Variants in UVRAG observed in about 807,000 individuals in gnomAD.
UVRAG encodes the protein UV radiation resistance associated.
A neutral mutation model predicts 78.0 loss-of-function variants in UVRAG; 19 were observed. The ratio of observed to expected loss-of-function variants is 0.24; its 90% CI spans 0.17 to 0.36. The LOEUF is 0.36. UVRAG is among the 10% of genes least tolerant of loss of function. The pLI is 1.00. For missense variants in UVRAG, 740 were observed against 853.8 expected (o/e 0.87, Z 1.66); for synonymous variants, 323 against 324.6 (o/e 1.00, Z 0.05).
chr11:76,077,011 G>GA (rs1424040328), intron 13 of UVRAG, among the ~76,000 whole-genome samples: 1 of 146,530 alleles, frequency 6.8e-6, no homozygotes, highest in East Asian at 2.0e-4. Flanking sequence ...GGCAAACCCT[G>GA]TCTCAAAAAA....
intron 12 of UVRAG, among the ~76,000 whole-genome samples, chr11:76,022,244 C>T (rs541716374): frequency 6.6e-6 from 1 of 152,210 alleles, no homozygotes; most frequent in East Asian, 1.9e-4. Context: ...ATTCTACATG[C>T]ACTTGAGAAA....
chr11:75,880,831 A>C (rs1369005513), intron 4 of UVRAG, among the ~76,000 whole-genome samples: 1 of 151,746 alleles, frequency 6.6e-6, no homozygotes, highest in Non-Finnish European at 1.5e-5. Context: ...CTGGGATTAC[A>C]GGTGTGAGCC....
intron 9 of UVRAG, among the ~76,000 whole-genome samples, chr11:76,004,757 T>G (rs1442590289): frequency 6.6e-6 from 1 of 152,050 alleles, no homozygotes; most frequent in Non-Finnish European, 1.5e-5. Flanking sequence ...CCCAAAGTGC[T>G]GGGATTACAG....
intron 6 of UVRAG, among the ~76,000 whole-genome samples, chr11:75,959,528 A>C (rs941985963): frequency 6.6e-6 from 1 of 151,904 alleles, no homozygotes; most frequent in Non-Finnish European, 1.5e-5. Flanking sequence ...TTAGGTCCTT[A>C]CTCTGGATTA....
intron 6 of UVRAG, chr11:75,935,017 G>A (rs963713440): frequency 1.8e-4 from 28 of 152,284 alleles, no homozygotes; most frequent in African/African-American, 6.3e-4. Flanking sequence ...ACTTAGATGG[G>A]AGAGGAAAGG....
At position 75,931,400 on chromosome 11, in the gene UVRAG, A is replaced by T. The variant is rs77110337; in HGVS notation, c.593+19361A>T. Among the ~76,000 whole-genome samples, 936 of 152,244 alleles carry T rather than the reference A, an allele frequency of 6.1e-3. 40 individuals are homozygous for T. The East Asian group carries it at 0.13, about 21-fold the overall frequency. ...TGTCTCATGCTTGCCTGTTGGGAAC[A>T]CAGGGAAAAGAGACCCCAAGGTAGT... On this transcript the variant is annotated intron_variant, in intron 6 of 14. Coordinates refer to ENST00000356136, the MANE Select transcript of UVRAG (RefSeq NM_003369.4).
chr11:76,072,258 A>G (rs904303457), intron 13 of UVRAG, among the ~76,000 whole-genome samples: 1 of 152,166 alleles, frequency 6.6e-6, no homozygotes, highest in Non-Finnish European at 1.5e-5. Context: ...TAATTTGGAA[A>G]CTAAGAGGAG....
intron 6 of UVRAG, among the ~76,000 whole-genome samples, chr11:75,915,847 A>G (rs905132684): frequency 6.6e-5 from 10 of 152,156 alleles, no homozygotes; most frequent in Admixed American, 3.3e-4. Flanking sequence ...GGAGGAGTAA[A>G]TGACATAGTC....
intron 5 of UVRAG, among the ~76,000 whole-genome samples, chr11:75,889,571 T>G (rs768938652): frequency 1.3e-4 from 20 of 152,258 alleles, no homozygotes; most frequent in Non-Finnish European, 2.1e-4. Flanking sequence ...TCTATTCTAC[T>G]ATGGTGTTCT....
In UVRAG at chr11:75,826,912, TGA is replaced by T. The variant is rs1287293495; in HGVS notation, c.117+11391_117+11392del. 2.6e-5 allele frequency among the ~76,000 whole-genome samples: 4 copies of T among 152,310 alleles called. No homozygotes were observed. The East Asian group carries it at 7.7e-4, about 29-fold the overall frequency. On this transcript the variant is annotated intron_variant, in intron 1 of 14. Coordinates refer to ENST00000356136, the MANE Select transcript of UVRAG (RefSeq NM_003369.4). ...ATAGTGTGCTTATTGATTGAGAGGC[TGA>T]GACTGATAATGCTGAAGTTGAGCAT...
At chr11:76,065,031 T>A (rs1008541437) in intron 12 of UVRAG, among the ~76,000 whole-genome samples, 7 of 152,206 alleles carry the variant, frequency 4.6e-5, no homozygotes, top group African/African-American at 1.7e-4. Context: ...AGAAGGGGAA[T>A]AGTGAGGGGA....
At chr11:75,935,961 A>G (rs1228446312) in intron 6 of UVRAG, among the ~76,000 whole-genome samples, 1 of 152,310 alleles carries the variant, frequency 6.6e-6, no homozygotes, top group East Asian at 1.9e-4. Context: ...CTTGTCATGT[A>G]TCTTTACTCT....
At chr11:76,025,206 G>A (rs1950307131) in intron 12 of UVRAG, among the ~76,000 whole-genome samples, 1 of 152,174 alleles carries the variant, frequency 6.6e-6, no homozygotes, top group South Asian at 2.1e-4. Flanking sequence ...AAAACATGAG[G>A]AATGTAACCA....
At chr11:76,112,940 C>G (rs1388497864) in intron 13 of UVRAG, among the ~76,000 whole-genome samples, 1 of 151,918 alleles carries the variant, frequency 6.6e-6, no homozygotes, top group Non-Finnish European at 1.5e-5. Flanking sequence ...GTTGCCCAGA[C>G]TCGTCTGAAA....
intron 6 of UVRAG, among the ~76,000 whole-genome samples, chr11:75,914,802 G>GT (rs1469805151): frequency 6.6e-6 from 1 of 151,966 alleles, no homozygotes; most frequent in Non-Finnish European, 1.5e-5. Flanking sequence ...CCCCGATTCT[G>GT]TTTTTTGAGA....
chr11:75,815,215 T>G lies in UVRAG; in HGVS notation c.-193T>G, dbSNP rs781600005. On this transcript the variant is annotated 5_prime_UTR_variant, in exon 1 of 15. Coordinates refer to ENST00000356136, the MANE Select transcript of UVRAG (RefSeq NM_003369.4). ...GGGTGGAGGGGTTGCACTGCGGTAA[T>G]ATGGCTCTTCCTTAGCCAGCGGCGG... 1.2e-5 allele frequency: 5 copies of G among 430,820 alleles called. No homozygotes were observed. Among genetic ancestry groups the G allele is most frequent in the Non-Finnish European group, 2.0e-5 (5 of 245,758 alleles). 26.7% of individuals were successfully genotyped at this position (430,820 alleles called of 1,614,324 possible).
chr11:75,906,663 C>CATGT (rs1269097847), intron 5 of UVRAG, among the ~76,000 whole-genome samples: 1 of 152,106 alleles, frequency 6.6e-6, no homozygotes, highest in Non-Finnish European at 1.5e-5. Context: ...TATGGTTTTA[C>CATGT]AGTTAAGTCT....
chr11:75,915,069 C>A (rs1340405542), intron 6 of UVRAG: 1 of 151,882 alleles, frequency 6.6e-6, no homozygotes, highest in Admixed American at 6.6e-5. Flanking sequence ...CATGGTGAAA[C>A]CTCATCTCTA....
chr11:75,979,131 T>C (rs1949328738), intron 7 of UVRAG, among the ~76,000 whole-genome samples: 1 of 152,238 alleles, frequency 6.6e-6, no homozygotes, highest in Non-Finnish European at 1.5e-5. Flanking sequence ...TGGAGTTTGC[T>C]GGAGGTCCAC....
Sources: allele counts gnomAD v4.1 joint callset (sites outside exome capture counted in the v4.1 genomes callset), GRCh38; gene constraint gnomAD v4.1.1; transcripts MANE v1.5; gene names NCBI Gene and HGNC (gene_info 2026-07-23, HGNC 2026-07-21).